Variants in ELAVL2 observed in about 807,000 individuals in gnomAD.
The protein encoded by ELAVL2 is ELAV like RNA binding protein 2.
In ELAVL2, 4 loss-of-function variants were observed where a neutral mutation model predicts 34.6. The ratio of observed to expected loss-of-function variants is 0.12; its 90% CI spans 0.06 to 0.26. The LOEUF (loss-of-function observed/expected upper bound fraction) is 0.26, where lower values mean the gene tolerates loss of function less well. ELAVL2 is among the 10% of genes least tolerant of loss of function. The pLI is 1.00. For synonymous variants in ELAVL2, 193 were observed against 154.8 expected (o/e 1.25, Z -1.83); for missense variants, 432 against 442.8 (o/e 0.98, Z 0.22).
At chr9:23,733,311 G>A (rs2047060104) in intron 2 of ELAVL2, among the ~76,000 whole-genome samples, 1 of 151,798 alleles carries the variant, frequency 6.6e-6, no homozygotes, top group Admixed American at 6.6e-5. Flanking sequence ...TCACTACATT[G>A]GCTGGGCCAT....
At chr9:23,703,358 T>C (rs576030350) in intron 4 of ELAVL2, among the ~76,000 whole-genome samples, 4 of 152,344 alleles carry the variant, frequency 2.6e-5, no homozygotes, top group Admixed American at 6.5e-5. Flanking sequence ...TGGATTTCTA[T>C]TTAACACCAT....
At chr9:23,770,274 T>C (rs1044234820) in intron 1 of ELAVL2, among the ~76,000 whole-genome samples, 5 of 152,282 alleles carry the variant, frequency 3.3e-5, no homozygotes, top group African/African-American at 1.2e-4. Context: ...ACGGGTAGTT[T>C]CCAGCATTAA....
At chr9:23,712,934 CA>C (rs2041364008) in intron 3 of ELAVL2, among the ~76,000 whole-genome samples, 1 of 152,170 alleles carries the variant, frequency 6.6e-6, no homozygotes, top group African/African-American at 2.4e-5. Flanking sequence ...GTATATCAAG[CA>C]ACTGATCATC....
intron 5 of ELAVL2, among the ~76,000 whole-genome samples, chr9:23,696,533 AT>A (rs2035291503): frequency 6.6e-6 from 1 of 152,136 alleles, no homozygotes; most frequent in African/African-American, 2.4e-5. Flanking sequence ...CAGTGGCGTG[AT>A]CTCGGCTCAC....
At chr9:23,775,493 G>A (rs2136486214) in intron 1 of ELAVL2, among the ~76,000 whole-genome samples, 1 of 152,316 alleles carries the variant, frequency 6.6e-6, no homozygotes, top group South Asian at 2.1e-4. Context: ...TCAGTGCTGA[G>A]ACCCCATCTA....
At chr9:23,811,438 A>G (rs918075672) in intron 1 of ELAVL2, among the ~76,000 whole-genome samples, 5 of 152,204 alleles carry the variant, frequency 3.3e-5, no homozygotes, top group Non-Finnish European at 7.3e-5. Flanking sequence ...CATAGTCAGC[A>G]GCCCAGACAA....
chr9:23,752,294 CAAT>C (rs1346258434), intron 2 of ELAVL2, among the ~76,000 whole-genome samples: 6 of 152,026 alleles, frequency 3.9e-5, no homozygotes, highest in Admixed American at 6.6e-5. Flanking sequence ...CCAAGTGTAA[CAAT>C]GTTCTAAGCT....
intron 1 of ELAVL2, chr9:23,783,374 G>A (rs2059311601): frequency 2.2e-6 from 2 of 918,864 alleles, no homozygotes; most frequent in South Asian, 5.0e-5. Context: ...GTAACTCCAA[G>A]GAAAACCGAA....
chr9:23,728,579 A>C (rs1378741698), intron 3 of ELAVL2, among the ~76,000 whole-genome samples: 1 of 152,126 alleles, frequency 6.6e-6, no homozygotes, highest in Admixed American at 6.6e-5. Flanking sequence ...TGTGTAAGAA[A>C]GTGGTGCTGA....
chr9:23,842,914 G>A, the ELAVL2 span, among the ~76,000 whole-genome samples: 33 of 152,164 alleles, frequency 2.2e-4, no homozygotes, highest in African/African-American at 7.5e-4. Flanking sequence ...AACTGAACTG[G>A]CTTCAATGAA....
chr9:23,732,169 C>T (rs1049515173), intron 2 of ELAVL2, among the ~76,000 whole-genome samples: 2 of 152,178 alleles, frequency 1.3e-5, no homozygotes, highest in African/African-American at 2.4e-5. Context: ...CTAAGTACTA[C>T]TGTTGCATCA....
At chr9:23,792,445 A>G (rs2060436530) in intron 1 of ELAVL2, among the ~76,000 whole-genome samples, 2 of 152,224 alleles carry the variant, frequency 1.3e-5, no homozygotes, top group East Asian at 1.9e-4. Flanking sequence ...GTGTCTACCA[A>G]TATCTACCCC....
At chr9:23,730,480 A>AT (rs2046263458) in intron 3 of ELAVL2, among the ~76,000 whole-genome samples, 2 of 152,186 alleles carry the variant, frequency 1.3e-5, no homozygotes, top group African/African-American at 4.8e-5. Context: ...TGGTTTTTAC[A>AT]TTTTTTAACT....
At chr9:23,742,989 A>C (rs1379683351) in intron 2 of ELAVL2, among the ~76,000 whole-genome samples, 2 of 152,134 alleles carry the variant, frequency 1.3e-5, no homozygotes, top group Non-Finnish European at 2.9e-5. Flanking sequence ...ACCTATTTAA[A>C]TACTACAGAC....
intron 3 of ELAVL2, among the ~76,000 whole-genome samples, chr9:23,706,245 A>G (rs1316891147): frequency 6.6e-6 from 1 of 152,226 alleles, no homozygotes; most frequent in East Asian, 1.9e-4. Context: ...ATAGGTCTGC[A>G]TGTATTTGTT....
At chr9:23,724,872 C>T (rs2044671963) in intron 3 of ELAVL2, among the ~76,000 whole-genome samples, 1 of 151,924 alleles carries the variant, frequency 6.6e-6, no homozygotes, top group African/African-American at 2.4e-5. Context: ...TATACTTTTT[C>T]AATTTTTTTT....
the ELAVL2 span, among the ~76,000 whole-genome samples, chr9:23,840,891 CAG>C: frequency 1.3e-5 from 2 of 152,144 alleles, no homozygotes; most frequent in Admixed American, 1.3e-4. Flanking sequence ...TCCTCAATGA[CAG>C]AGATCAGGTG....
chr9:23,692,872 C>A lies in ELAVL2; in HGVS notation c.765G>T (p.Met255Ile). The A allele has an allele frequency of 6.2e-7, 1 of 1,613,468 alleles. No individual in the cohort carries two copies. Among genetic ancestry groups the A allele is most frequent in the South Asian group, 1.1e-5 (1 of 91,036 alleles). ...CCAAACTGGTCATTCCGTCAATGGT[C>A]ATTGGAGAAAACCTGCTAAACAGAA... Reference protein sequence around the residue: ...MAYGVKRFSPMTIDGMTSLAG... With the variant: ...MAYGVKRFSPITIDGMTSLAG... The change falls in exon 7 of 7, where the codon ATG becomes ATT. Residue 255 changes from methionine to isoleucine, a missense_variant. Met to Ile is a conservative substitution (Grantham distance 10). Coordinates refer to ENST00000397312, the MANE Select transcript of ELAVL2 (RefSeq NM_004432.5).
At chr9:23,714,730 G>C (rs899727571) in intron 3 of ELAVL2, among the ~76,000 whole-genome samples, 4 of 152,052 alleles carry the variant, frequency 2.6e-5, no homozygotes, top group Non-Finnish European at 5.9e-5. Flanking sequence ...AAGGTTATGG[G>C]TATGTTTCTG....
Sources: allele counts gnomAD v4.1 joint callset (sites outside exome capture counted in the v4.1 genomes callset), GRCh38; gene constraint gnomAD v4.1.1; transcripts MANE v1.5; gene names NCBI Gene and HGNC (gene_info 2026-07-23, HGNC 2026-07-21).